SDK1: variants seen among roughly 807,000 people sequenced by gnomAD.
SDK1 encodes the protein sidekick cell adhesion molecule 1.
SDK1 carries 157 observed loss-of-function variants against 245.5 expected under a neutral mutation model. That is an observed-to-expected ratio of 0.64 (90% CI 0.56 to 0.73). SDK1 has a LOEUF of 0.73. Among genes scored for constraint, SDK1 ranks in the 30% least tolerant of loss-of-function variants. The pLI is 0.00. For missense variants in SDK1, 3,583 were observed against 3,002.3 expected (o/e 1.19, Z -4.52); for synonymous variants, 1,647 against 1,278.5 (o/e 1.29, Z -6.15).
intron 5 of SDK1, among the ~76,000 whole-genome samples, chr7:3,857,368 C>G (rs1780572917): frequency 6.6e-6 from 1 of 152,032 alleles, no homozygotes; most frequent in Non-Finnish European, 1.5e-5. Context: ...TTATTTCAGG[C>G]AATATGATTA....
At chr7:3,347,856 G>T (rs958163964) in intron 1 of SDK1, among the ~76,000 whole-genome samples, 1 of 151,454 alleles carries the variant, frequency 6.6e-6, no homozygotes, top group Non-Finnish European at 1.5e-5. Flanking sequence ...CTAGAGCGTG[G>T]CTTAGTATCG....
intron 4 of SDK1, among the ~76,000 whole-genome samples, chr7:3,714,940 G>A (rs1304750958): frequency 6.6e-6 from 1 of 152,174 alleles, no homozygotes; most frequent in Non-Finnish European, 1.5e-5. Context: ...GGCTTAGATT[G>A]ATGGTAATTC....
chr7:3,386,940 G>C (rs1490765355), intron 1 of SDK1, among the ~76,000 whole-genome samples: 1 of 152,208 alleles, frequency 6.6e-6, no homozygotes, highest in Admixed American at 6.5e-5. Flanking sequence ...GGAAAACCCA[G>C]AGAGCTCCAT....
chr7:3,838,659 G>A (rs569235395), intron 5 of SDK1, among the ~76,000 whole-genome samples: 10 of 152,224 alleles, frequency 6.6e-5, no homozygotes, highest in East Asian at 1.9e-4. Flanking sequence ...GCCAGCCCCC[G>A]TCCCTGAACA....
chr7:4,032,989 A>G (rs1035793817), intron 17 of SDK1, among the ~76,000 whole-genome samples: 4 of 150,220 alleles, frequency 2.7e-5, no homozygotes. Context: ...TCATAAAAAT[A>G]AATGAGCAAA....
intron 4 of SDK1, among the ~76,000 whole-genome samples, chr7:3,802,349 C>T (rs192040570): frequency 1.3e-5 from 2 of 152,124 alleles, no homozygotes; most frequent in Non-Finnish European, 2.9e-5. Context: ...CATACCAAGA[C>T]CTTATTTCTA....
At chr7:4,031,960 G>T (rs1787850882) in intron 17 of SDK1, among the ~76,000 whole-genome samples, 1 of 150,948 alleles carries the variant, frequency 6.6e-6, no homozygotes. Context: ...CTGAGAGGCA[G>T]AGGTTGCAGT....
chr7:3,983,115 C>G (rs141540217), intron 13 of SDK1, among the ~76,000 whole-genome samples: 1 of 152,160 alleles, frequency 6.6e-6, no homozygotes, highest in Non-Finnish European at 1.5e-5. Context: ...TGGTGTGGGA[C>G]AGCATCTACT....
intron 13 of SDK1, among the ~76,000 whole-genome samples, chr7:3,981,308 T>A (rs1167814778): frequency 6.6e-6 from 1 of 152,238 alleles, no homozygotes; most frequent in Non-Finnish European, 1.5e-5. Context: ...TTCTGACTGC[T>A]CCACCAACAG....
At chr7:3,903,360 G>A (rs926425066) in intron 5 of SDK1, among the ~76,000 whole-genome samples, 3 of 152,034 alleles carry the variant, frequency 2.0e-5, no homozygotes, top group East Asian at 3.9e-4. Flanking sequence ...AGCCAGGATG[G>A]TCTCGATCAT....
At chr7:3,693,704 AGT>A (rs2114998664) in intron 4 of SDK1, among the ~76,000 whole-genome samples, 1 of 152,316 alleles carries the variant, frequency 6.6e-6, no homozygotes, top group Admixed American at 6.5e-5. Flanking sequence ...AGTGCAAGAT[AGT>A]GACAGGAGGT....
intron 44 of SDK1, 41 bp downstream of exon 44, chr7:4,245,846 C>G: frequency 6.2e-7 from 1 of 1,610,694 alleles, no homozygotes; most frequent in Non-Finnish European, 8.5e-7. Flanking sequence ...ACCATCAGCC[C>G]CTACTTCTGC....
chr7:3,460,076 T>C (rs1780787388), intron 1 of SDK1, among the ~76,000 whole-genome samples: 1 of 152,240 alleles, frequency 6.6e-6, no homozygotes, highest in South Asian at 2.1e-4. Flanking sequence ...TTAAGATATA[T>C]TTCAAAGTGG....
Position 3,461,637 on chromosome 7 carries a change from T to A in SDK1, c.299-157443T>A, listed in dbSNP as rs116149474. 5.5e-3 allele frequency among the ~76,000 whole-genome samples: 837 copies of A among 152,296 alleles called. 7 individuals carry two copies. The highest frequency in any genetic ancestry group is 0.019 in the African/African-American group (798 of 41,572). ...ATTGTTGAACTGTTGTGAGGTTTCC[T>A]TTTCAGATCAAAACTTTCCCTTTTC... On this transcript the variant is annotated intron_variant, in intron 1 of 44. Coordinates refer to ENST00000404826, the MANE Select transcript of SDK1 (RefSeq NM_152744.4).
At position 4,114,168 on chromosome 7, in the gene SDK1, C is replaced by T. The variant is rs1291928571; in HGVS notation, c.3717C>T (p.Ile1239=). ...ACCGGCTGGAGAGAGAATTCACCATCGAGGAGCTGGAGGAGTGGATGGAAT... is the reference window on the plus strand; with the variant it reads ...ACCGGCTGGAGAGAGAATTCACCATTGAGGAGCTGGAGGAGTGGATGGAAT... ...VSDRLEREFT[I]EELEEWMEYE... Residue 1239 remains isoleucine (I), a synonymous_variant, in exon 25 of 45, where the codon ATC becomes ATT. Transcript: ENST00000404826. The T allele has an allele frequency of 6.8e-6, 11 of 1,614,072 alleles. No individual in the cohort carries two copies. Among genetic ancestry groups the T allele is most frequent in the African/African-American group, 2.7e-5 (2 of 74,956 alleles).
rs560322167 is a variant in SDK1 at position 4,266,427 on chromosome 7, G to A, written c.*1043G>A. ...AGAACACACGCTCCCGACTCGCCTCGTGCACACCAGGCCGTCCCCTCCCTC... is the reference window on the plus strand; with the variant it reads ...AGAACACACGCTCCCGACTCGCCTCATGCACACCAGGCCGTCCCCTCCCTC... On this transcript the variant is annotated 3_prime_UTR_variant, in exon 45 of 45. Coordinates refer to ENST00000404826, the MANE Select transcript of SDK1 (RefSeq NM_152744.4). 16 of 985,244 alleles carry A rather than the reference G, an allele frequency of 1.6e-5. No individual in the cohort carries two copies. In the East Asian group the frequency reaches 1.6e-3, roughly 98 times the overall value. 61.0% of individuals were successfully genotyped at this position (985,244 alleles called of 1,614,324 possible).
rs1781777228 is a variant in SDK1 at position 3,962,490 on chromosome 7, G to C, written c.1235-167G>C. The stretch of plus-strand genomic sequence containing the variant: ...CTCTCAACACCCCTCCGTGTCGATG[G>C]CTTCATCTACAACGAGAAAAATAGC... On this transcript the variant is annotated intron_variant, in intron 8 of 44. Coordinates refer to ENST00000404826, the MANE Select transcript of SDK1 (RefSeq NM_152744.4). Among the ~76,000 whole-genome samples, 6 of 152,216 alleles carry C rather than the reference G, an allele frequency of 3.9e-5. No individual in the cohort carries two copies. The South Asian group carries it at 1.0e-3, about 26-fold the overall frequency.
At chr7:4,146,654 C>G (rs1780004381) in intron 29 of SDK1, among the ~76,000 whole-genome samples, 1 of 152,250 alleles carries the variant, frequency 6.6e-6, no homozygotes, top group Non-Finnish European at 1.5e-5. Flanking sequence ...CCCCCAGTCT[C>G]TGATGTTAAA....
intron 1 of SDK1, among the ~76,000 whole-genome samples, chr7:3,571,665 C>G (rs182288171): frequency 6.6e-6 from 1 of 152,038 alleles, no homozygotes; most frequent in Non-Finnish European, 1.5e-5. Context: ...CATCTTTTAA[C>G]GATTATTACT....
Sources: gnomAD v4.1 joint callset for allele counts (sites outside exome capture counted in the v4.1 genomes callset) on GRCh38, gnomAD v4.1.1 for gene constraint, MANE v1.5 for transcripts, NCBI Gene and HGNC (gene_info 2026-07-23, HGNC 2026-07-21) for gene names.